The following EDIL3 variants were observed in gnomAD, a reference collection of about 807,000 sequenced individuals.
EDIL3 encodes EGF like and discoidin domains 3, also known as EGF-like repeat and discoidin I-like domain-containing protein 3.
A neutral mutation model predicts 67.4 loss-of-function variants in EDIL3; 37 were observed. The ratio of observed to expected loss-of-function variants is 0.55; its 90% CI spans 0.42 to 0.72. EDIL3 has a LOEUF of 0.72. Ranked by LOEUF, EDIL3 falls within the 30% of genes least tolerant of loss-of-function variation. The pLI is 0.00. For missense variants in EDIL3, 527 were observed against 586.3 expected (o/e 0.90, Z 1.04); for synonymous variants, 195 against 196.3 (o/e 0.99, Z 0.05).
chr5:84,102,935 T>C (rs1747393893), intron 6 of EDIL3, among the ~76,000 whole-genome samples: 1 of 152,086 alleles, frequency 6.6e-6, no homozygotes, highest in Admixed American at 6.6e-5. Context: ...CCCCAAAAGC[T>C]AGAAGTATCA....
intron 10 of EDIL3, 135 bp from the exon 11 acceptor site, chr5:83,943,703 G>T (rs1744264837): frequency 1.1e-6 from 1 of 935,016 alleles, no homozygotes; most frequent in Non-Finnish European, 1.5e-6. Flanking sequence ...AAAATATATT[G>T]CAGCTTCTTT....
chr5:84,066,631 A>G, intron 6 of EDIL3, 25 bp from the exon 7 acceptor site: 3 of 1,603,930 alleles, frequency 1.9e-6, no homozygotes, highest in Non-Finnish European at 2.5e-6. Flanking sequence ...ACAACCAACA[A>G]TAATCTTATT....
At chr5:84,028,779 A>G (rs1745864908) in intron 9 of EDIL3, among the ~76,000 whole-genome samples, 1 of 152,130 alleles carries the variant, frequency 6.6e-6, no homozygotes, top group Admixed American at 6.6e-5. Flanking sequence ...ATATACTAGT[A>G]TATATAATAT....
chr5:84,182,302 C>T (rs1337800640), intron 3 of EDIL3, among the ~76,000 whole-genome samples: 1 of 132,626 alleles, frequency 7.5e-6, no homozygotes, highest in Non-Finnish European at 1.7e-5. Flanking sequence ...CACACACACA[C>T]ACACAAATCC....
At chr5:84,216,824 T>C (rs1445182899) in intron 3 of EDIL3, among the ~76,000 whole-genome samples, 2 of 152,168 alleles carry the variant, frequency 1.3e-5, no homozygotes, top group Non-Finnish European at 2.9e-5. Flanking sequence ...ATGAGCAACA[T>C]TGTGGTGAGC....
intron 8 of EDIL3, among the ~76,000 whole-genome samples, chr5:84,063,630 A>G (rs953442647): frequency 2.6e-5 from 4 of 152,128 alleles, no homozygotes; most frequent in South Asian, 2.1e-4. Flanking sequence ...AGGCAACACA[A>G]ATAAATTTAG....
chr5:84,001,351 C>T (rs533995620), intron 9 of EDIL3, among the ~76,000 whole-genome samples: 43 of 152,004 alleles, frequency 2.8e-4, no homozygotes, highest in South Asian at 1.9e-3. Flanking sequence ...TGTGAGCCAC[C>T]GCACCTGGCC....
intron 3 of EDIL3, among the ~76,000 whole-genome samples, chr5:84,186,787 C>G (rs1028318400): frequency 1.3e-5 from 2 of 151,918 alleles, no homozygotes; most frequent in African/African-American, 2.4e-5. Flanking sequence ...AGTTTAATAG[C>G]AGATCAAAGT....
Position 84,137,192 on chromosome 5 carries a change from C to T in EDIL3, c.469+49G>A, listed in dbSNP as rs202139909. On this transcript the variant is annotated intron_variant, in intron 5 of 10. Coordinates refer to ENST00000296591, the MANE Select transcript of EDIL3 (RefSeq NM_005711.5). ...ATGTGTGTGTGTATACATACACACACACACACACACACACACACACACACA... is the reference window on the plus strand; with the variant it reads ...ATGTGTGTGTGTATACATACACACATACACACACACACACACACACACACA... 0.036 allele frequency: 43,170 copies of T among 1,197,990 alleles called. 703 individuals are homozygous for T. The highest frequency in any genetic ancestry group is 0.092 in the Admixed American group (4,634 of 50,558). The allele number at this position is 1,197,990 out of a possible 1,614,324, so 74.2% of individuals were successfully genotyped here. A position where few individuals can be genotyped will look rare whatever the true frequency, so the allele number is the denominator to read the frequency against.
At chr5:84,118,103 C>A (rs955015008) in intron 5 of EDIL3, among the ~76,000 whole-genome samples, 3 of 151,788 alleles carry the variant, frequency 2.0e-5, no homozygotes, top group African/African-American at 4.8e-5. Context: ...CAAAGCAAAC[C>A]AGAAATATAA....
chr5:84,382,499 G>T (rs1748102045), intron 1 of EDIL3, among the ~76,000 whole-genome samples: 1 of 152,280 alleles, frequency 6.6e-6, no homozygotes, highest in African/African-American at 2.4e-5. Context: ...CTCGGAGCGG[G>T]GACGTACGGT....
chr5:84,070,733 C>G (rs575701085), intron 6 of EDIL3, among the ~76,000 whole-genome samples: 4 of 151,832 alleles, frequency 2.6e-5, no homozygotes, highest in Non-Finnish European at 5.9e-5. Flanking sequence ...TACTGGTCCT[C>G]TCTACTGAAT....
intron 9 of EDIL3, among the ~76,000 whole-genome samples, chr5:84,040,990 C>T (rs1049263521): frequency 2.6e-5 from 4 of 151,918 alleles, no homozygotes; most frequent in Admixed American, 6.6e-5. Flanking sequence ...AATTAGCCAA[C>T]CTTGGTGGTG....
At chr5:84,140,120 G>A (rs964866166) in intron 4 of EDIL3, among the ~76,000 whole-genome samples, 1 of 152,146 alleles carries the variant, frequency 6.6e-6, no homozygotes, top group African/African-American at 2.4e-5. Context: ...GAAGAACCTA[G>A]TGAAGCCATA....
chr5:84,227,515 T>A (rs953193399), intron 3 of EDIL3, among the ~76,000 whole-genome samples: 1 of 152,042 alleles, frequency 6.6e-6, no homozygotes, highest in Admixed American at 6.6e-5. Context: ...AGAAGGCAGT[T>A]TGGAGATTTC....
At position 83,977,870 on chromosome 5, in the gene EDIL3, C is replaced by T. The variant is rs186803896; in HGVS notation, c.1138-14510G>A. Among the ~76,000 whole-genome samples, 710 of 151,800 alleles carry T rather than the reference C, an allele frequency of 4.7e-3. 7 individuals are homozygous for T. Among genetic ancestry groups the T allele is most frequent in the African/African-American group, 0.016 (666 of 41,494 alleles). ...ACCTTCTAAACCTAGAAATAAAAGG[C>T]GATTTCTTTTAATGAATAACAGATT... is the stretch of plus-strand genomic sequence containing the variant. On this transcript the variant is annotated intron_variant, in intron 9 of 10. Transcript: ENST00000296591.
intron 9 of EDIL3, among the ~76,000 whole-genome samples, chr5:83,963,627 T>C (rs1385521758): frequency 6.6e-6 from 1 of 151,032 alleles, no homozygotes; most frequent in Non-Finnish European, 1.5e-5. Flanking sequence ...ATTAATTTTA[T>C]ATTAGGTGGA....
rs565236343 is a variant in EDIL3 at position 84,052,322 on chromosome 5, A to G, written c.1137+7978T>C. Among the ~76,000 whole-genome samples the G allele has an allele frequency of 2.0e-5, 3 of 152,334 alleles. No individual in the cohort carries two copies. In the South Asian group the frequency reaches 6.2e-4, roughly 32 times the overall value. On this transcript the variant is annotated intron_variant, in intron 9 of 10. Transcript: ENST00000296591. The stretch of plus-strand genomic sequence containing the variant: ...CTCCTGAAGGAAGCAATGAACATGG[A>G]AAGGAACAACCAGTACCAGCCACTG...
intron 1 of EDIL3, among the ~76,000 whole-genome samples, chr5:84,371,472 GAGAGAA>G (rs1236887136): frequency 3.1e-5 from 4 of 130,120 alleles, no homozygotes; most frequent in East Asian, 2.0e-4. Context: ...GAGAGAGAGA[GAGAGAA>G]AGAGAGAGAG....
Sources: gnomAD v4.1 joint callset for allele counts (sites outside exome capture counted in the v4.1 genomes callset) on GRCh38, gnomAD v4.1.1 for gene constraint, MANE v1.5 for transcripts, NCBI Gene and HGNC (gene_info 2026-07-23, HGNC 2026-07-21) for gene names.